Variants in DOCK10 observed in about 807,000 individuals in gnomAD.
DOCK10 encodes dedicator of cytokinesis 10.
Under a neutral mutation model 280.1 loss-of-function variants are expected in DOCK10, and 145 were observed. The ratio of observed to expected loss-of-function variants is 0.52; its 90% CI spans 0.45 to 0.59. The LOEUF is 0.59. Among genes scored for constraint, DOCK10 ranks in the 20% least tolerant of loss-of-function variants. The pLI, the probability that DOCK10 is intolerant of heterozygous loss-of-function variation, is 0.00. For synonymous variants in DOCK10, 915 were observed against 942.2 expected (o/e 0.97, Z 0.53); for missense variants, 2,368 against 2,651.7 (o/e 0.89, Z 2.35).
chr2:224,833,053 A>C (rs944073955), intron 26 of DOCK10, among the ~76,000 whole-genome samples: 3 of 152,072 alleles, frequency 2.0e-5, no homozygotes, highest in African/African-American at 7.2e-5. Context: ...TCCATATTTT[A>C]ACTGAGCAGT....
chr2:224,937,015 G>C (rs914881486), intron 1 of DOCK10, among the ~76,000 whole-genome samples: 1 of 152,154 alleles, frequency 6.6e-6, no homozygotes, highest in Non-Finnish European at 1.5e-5. Flanking sequence ...GGGGAAAGGA[G>C]ACCAGGGAAA....
intron 55 of DOCK10, chr2:224,768,993 T>C (rs1456933813): frequency 4.4e-6 from 2 of 450,710 alleles, no homozygotes; most frequent in Admixed American, 4.9e-5. Context: ...AGTTTCTAGG[T>C]CAGATGTGAT....
rs764095136 is a variant in DOCK10 at position 224,886,032 on chromosome 2, G to A, written c.612+31C>T. On this transcript the variant is annotated intron_variant, in intron 6 of 55. Coordinates refer to ENST00000258390, the MANE Select transcript of DOCK10 (RefSeq NM_014689.3). ...GGAGGGAGTGTTAAGAAGGGTGACAGAGATAAAGATGAGTCTTGATATCTC... is the reference window on the plus strand; with the variant it reads ...GGAGGGAGTGTTAAGAAGGGTGACAAAGATAAAGATGAGTCTTGATATCTC... 37 of 1,613,156 alleles carry A rather than the reference G, an allele frequency of 2.3e-5. No individual in the cohort carries two copies. The South Asian group carries it at 3.7e-4, about 16-fold the overall frequency.
intron 53 of DOCK10, among the ~76,000 whole-genome samples, chr2:224,771,353 C>G (rs1042819301): frequency 6.6e-6 from 1 of 152,140 alleles, no homozygotes; most frequent in African/African-American, 2.4e-5. Flanking sequence ...GCTAGTTTTT[C>G]TTTTCTATTA....
At position 224,773,212 on chromosome 2, in the gene DOCK10, T is replaced by A. The variant is rs1690573409; in HGVS notation, c.6149A>T (p.Glu2050Val). Residue 2050 changes from glutamate (E) to valine (V), a missense_variant, in exon 53 of 56, where the codon GAA (glutamate) becomes GTA (valine). Glu to Val is a moderately radical substitution (Grantham distance 121, BLOSUM62 -2). Coordinates refer to ENST00000258390, the MANE Select transcript of DOCK10 (RefSeq NM_014689.3). ...CTGCAGTCTGATCATGTCCACTTCT[T>A]CCATTGTGCAAAGCTGATTAAGCTC... ...VSELNQLCTM[E>V]EVDMIRLQLK... 6.2e-7 allele frequency: 1 copy of A among 1,613,970 alleles called. No individual in the cohort carries two copies. The highest frequency in any genetic ancestry group is 1.7e-5 in the Admixed American group (1 of 60,030).
chr2:224,840,559 G>C (rs938102296), intron 23 of DOCK10, among the ~76,000 whole-genome samples: 1 of 152,122 alleles, frequency 6.6e-6, no homozygotes, highest in African/African-American at 2.4e-5. Flanking sequence ...ACCACAGTGG[G>C]ACATCACCTC....
intron 1 of DOCK10, among the ~76,000 whole-genome samples, chr2:225,027,316 C>T (rs1689945556): frequency 6.6e-6 from 1 of 152,122 alleles, no homozygotes; most frequent in South Asian, 2.1e-4. Flanking sequence ...CACAGGAGCA[C>T]AGAGGCAACT....
chr2:224,869,797 T>C (rs1698152974), intron 11 of DOCK10, among the ~76,000 whole-genome samples: 1 of 152,192 alleles, frequency 6.6e-6, no homozygotes, highest in Non-Finnish European at 1.5e-5. Context: ...CTTCTGAATA[T>C]GGGTCTTAGT....
At chr2:224,846,079 T>G (rs1696330865) in intron 19 of DOCK10, among the ~76,000 whole-genome samples, 1 of 152,264 alleles carries the variant, frequency 6.6e-6, no homozygotes, top group South Asian at 2.1e-4. Flanking sequence ...GATGCACTCA[T>G]TTAATGCTCA....
chr2:224,984,163 C>T (rs1483964226), intron 1 of DOCK10, among the ~76,000 whole-genome samples: 1 of 151,944 alleles, frequency 6.6e-6, no homozygotes, highest in African/African-American at 2.4e-5. Flanking sequence ...TTGTGATCAT[C>T]TGCTCATGGC....
chr2:224,814,131 G>T lies in DOCK10; in HGVS notation c.3409+189C>A, dbSNP rs1299716669. On this transcript the variant is annotated intron_variant, in intron 31 of 55. Transcript: ENST00000258390. ...AACCTCTGGAGAATAAAATACGAAA[G>T]AATTGAAATTAGGCAATCATTAAAC... Among the ~76,000 whole-genome samples the T allele has an allele frequency of 5.3e-5, 8 of 152,180 alleles. No individual in the cohort carries two copies. The East Asian group carries it at 1.3e-3, about 26-fold the overall frequency.
intron 24 of DOCK10, among the ~76,000 whole-genome samples, chr2:224,839,006 CA>C (rs1695771897): frequency 6.6e-6 from 1 of 152,156 alleles, no homozygotes; most frequent in Admixed American, 6.5e-5. Context: ...TGCCCCCCAG[CA>C]ATTACACTTT....
chr2:224,766,923 C>A (rs1042068068), intron 55 of DOCK10, among the ~76,000 whole-genome samples: 1 of 152,184 alleles, frequency 6.6e-6, no homozygotes, highest in African/African-American at 2.4e-5. Flanking sequence ...ACAGTAGCAT[C>A]CACTTTATCT....
chr2:224,898,103 G>C (rs1034254535), intron 3 of DOCK10, among the ~76,000 whole-genome samples: 1 of 152,226 alleles, frequency 6.6e-6, no homozygotes, highest in Non-Finnish European at 1.5e-5. Flanking sequence ...AGCAAAGAAA[G>C]CGTTAGCACT....
intron 1 of DOCK10, among the ~76,000 whole-genome samples, chr2:225,018,345 G>T (rs935416272): frequency 6.6e-6 from 1 of 151,528 alleles, no homozygotes; most frequent in African/African-American, 2.4e-5. Flanking sequence ...ACTGAAATAG[G>T]GGCCGAGTGA....
At chr2:224,865,130 T>C (rs1697818651) in intron 11 of DOCK10, 43 bp from the exon 12 acceptor site, 1 of 1,583,594 alleles carries the variant, frequency 6.3e-7, no homozygotes, top group Admixed American at 1.7e-5. Flanking sequence ...TATAAAATCA[T>C]TATCCATGAG....
At chr2:224,924,978 C>T (rs1701973452) in intron 2 of DOCK10, among the ~76,000 whole-genome samples, 1 of 152,130 alleles carries the variant, frequency 6.6e-6, no homozygotes, top group Non-Finnish European at 1.5e-5. Flanking sequence ...CTTTCCAAAT[C>T]TTAACTTCAT....
chr2:224,967,403 G>T lies in DOCK10; in HGVS notation c.124-35735C>A, dbSNP rs569278821. Among the ~76,000 whole-genome samples, 11 of 152,286 alleles carry T rather than the reference G, an allele frequency of 7.2e-5. No individual in the cohort carries two copies. The South Asian group carries it at 2.3e-3, about 32-fold the overall frequency. On this transcript the variant is annotated intron_variant, in intron 1 of 55. Coordinates refer to ENST00000258390, the MANE Select transcript of DOCK10 (RefSeq NM_014689.3). ...CCGGCCTATCCTCTAGTCTTATCTG[G>T]TGTTAAAATGTTTACCCTCAGATGT...
intron 40 of DOCK10, among the ~76,000 whole-genome samples, chr2:224,801,462 G>T (rs1467630203): frequency 6.6e-6 from 1 of 152,080 alleles, no homozygotes; most frequent in African/African-American, 2.4e-5. Context: ...TTGGGCAAGA[G>T]AAGAGAAAAG....
Sources: gnomAD v4.1 joint callset for allele counts (sites outside exome capture counted in the v4.1 genomes callset) on GRCh38, gnomAD v4.1.1 for gene constraint, MANE v1.5 for transcripts, NCBI Gene and HGNC (gene_info 2026-07-23, HGNC 2026-07-21) for gene names.